The following MRPL1 variants were observed in gnomAD, a reference collection of about 807,000 sequenced individuals.
The protein encoded by MRPL1 is large ribosomal subunit protein uL1m.
A neutral mutation model predicts 38.0 loss-of-function variants in MRPL1; 28 were observed. That is an observed-to-expected ratio of 0.74 (90% CI 0.55 to 1.01). The LOEUF (loss-of-function observed/expected upper bound fraction) is 1.01, where lower values mean the gene tolerates loss of function less well. MRPL1 is among the 50% of genes least tolerant of loss of function. The pLI, the probability that MRPL1 is intolerant of heterozygous loss-of-function variation, is 0.00. For synonymous variants in MRPL1, 123 were observed against 126.7 expected (o/e 0.97, Z 0.20); for missense variants, 358 against 389.8 (o/e 0.92, Z 0.69).
At chr4:77,887,981 A>T (rs567474324) in intron 5 of MRPL1, among the ~76,000 whole-genome samples, 1 of 152,280 alleles carries the variant, frequency 6.6e-6, no homozygotes, top group Admixed American at 6.5e-5. Context: ...ACAAGGTCGC[A>T]TGGATTTCAT....
chr4:77,896,865 T>TA (rs201804566), intron 6 of MRPL1, among the ~76,000 whole-genome samples: 7 of 152,006 alleles, frequency 4.6e-5, no homozygotes, highest in Admixed American at 6.6e-5. Context: ...TTTGTTTTAT[T>TA]AAAAAAAATT....
At chr4:77,869,247 T>C (rs1735223072) in intron 1 of MRPL1, among the ~76,000 whole-genome samples, 1 of 152,154 alleles carries the variant, frequency 6.6e-6, no homozygotes, top group South Asian at 2.1e-4. Context: ...TTCTATCTCA[T>C]TGCCACGGGG....
chr4:77,910,931 T>C (rs1325911194), intron 7 of MRPL1, among the ~76,000 whole-genome samples: 1 of 152,174 alleles, frequency 6.6e-6, no homozygotes, highest in Non-Finnish European at 1.5e-5. Flanking sequence ...TCTTGTTTCT[T>C]AGGGTTGACA....
chr4:77,884,296 G>A (rs1242726549), intron 3 of MRPL1, among the ~76,000 whole-genome samples: 1 of 151,058 alleles, frequency 6.6e-6, no homozygotes, highest in African/African-American at 2.4e-5. Context: ...AAGAAATCCC[G>A]AGGAGGATGT....
intron 5 of MRPL1, among the ~76,000 whole-genome samples, chr4:77,893,607 A>G (rs1735851984): frequency 1.3e-5 from 2 of 152,124 alleles, no homozygotes; most frequent in East Asian, 1.9e-4. Flanking sequence ...TTTGATCACC[A>G]CGTCTTCTTT....
intron 6 of MRPL1, among the ~76,000 whole-genome samples, chr4:77,896,415 CCTT>C (rs1001577356): frequency 4.6e-5 from 7 of 152,138 alleles, no homozygotes; most frequent in Non-Finnish European, 1.0e-4. Context: ...TTCTCTGACA[CCTT>C]CTTTTCACCC....
At chr4:77,864,275 A>G (rs1735077012) in intron 1 of MRPL1, among the ~76,000 whole-genome samples, 2 of 152,096 alleles carry the variant, frequency 1.3e-5, no homozygotes, top group South Asian at 4.2e-4. Flanking sequence ...CTCTCTGTTA[A>G]TTGTCTTCCT....
At chr4:77,935,310 A>G (rs1226507076) in intron 7 of MRPL1, among the ~76,000 whole-genome samples, 2 of 152,242 alleles carry the variant, frequency 1.3e-5, no homozygotes, top group Non-Finnish European at 2.9e-5. Context: ...ATAAACATAT[A>G]ACAACATAAT....
At chr4:77,876,017 G>C (rs1024552220) in intron 2 of MRPL1, among the ~76,000 whole-genome samples, 1 of 152,254 alleles carries the variant, frequency 6.6e-6, no homozygotes, top group African/African-American at 2.4e-5. Context: ...CTGTTGACCA[G>C]GTTGGAGTGC....
chr4:77,939,921 T>C (rs192799752), intron 7 of MRPL1, among the ~76,000 whole-genome samples: 207 of 152,342 alleles, frequency 1.4e-3, no homozygotes, highest in African/African-American at 4.7e-3. Context: ...TTTATACCAG[T>C]ACCATGCTGT....
At chr4:77,919,818 G>A (rs1736521208) in intron 7 of MRPL1, among the ~76,000 whole-genome samples, 1 of 150,506 alleles carries the variant, frequency 6.6e-6, no homozygotes. Flanking sequence ...TCAAGAACCT[G>A]TAAAATCAGA....
At chr4:77,913,715 T>G (rs774045671) in intron 7 of MRPL1, among the ~76,000 whole-genome samples, 5 of 152,204 alleles carry the variant, frequency 3.3e-5, no homozygotes, top group Non-Finnish European at 5.9e-5. Flanking sequence ...TTATCTGTGA[T>G]AGCCCCAAAC....
chr4:77,941,239 T>C (rs999122228), intron 7 of MRPL1, among the ~76,000 whole-genome samples: 1 of 151,720 alleles, frequency 6.6e-6, no homozygotes, highest in Non-Finnish European at 1.5e-5. Context: ...CACTCCAGTC[T>C]TGGTAAAAAG....
intron 3 of MRPL1, 91 bp downstream of exon 3, chr4:77,883,591 T>C: frequency 7.7e-7 from 1 of 1,303,708 alleles, no homozygotes; most frequent in East Asian, 2.5e-5. Context: ...ATTATTATTT[T>C]TGAGACAGGG....
At chr4:77,936,619 C>T (rs888482312) in intron 7 of MRPL1, among the ~76,000 whole-genome samples, 10 of 152,100 alleles carry the variant, frequency 6.6e-5, no homozygotes, top group Admixed American at 6.6e-4. Flanking sequence ...TTCTTTTGCA[C>T]CAGAACAGCA....
At chr4:77,923,949 C>T (rs1304044024) in intron 7 of MRPL1, among the ~76,000 whole-genome samples, 3 of 151,026 alleles carry the variant, frequency 2.0e-5, no homozygotes, top group Non-Finnish European at 4.4e-5. Context: ...TGCAGTGAGC[C>T]GAGATTGCAT....
chr4:77,936,754 T>C (rs1373662199), intron 7 of MRPL1, among the ~76,000 whole-genome samples: 1 of 152,184 alleles, frequency 6.6e-6, no homozygotes, highest in Non-Finnish European at 1.5e-5. Flanking sequence ...AATATTCTAA[T>C]GAACATAAAT....
In MRPL1 at chr4:77,867,946, C is replaced by T. The variant is rs188198722; in HGVS notation, c.32-3798C>T. ...TAATTTTTTGTATTTTTAGTAGAGA[C>T]GGGGTTTCACCGTGTTAGCCAGGAT... On this transcript the variant is annotated intron_variant, in intron 1 of 8. Transcript: ENST00000315567. Among the ~76,000 whole-genome samples, 640 of 151,558 alleles carry T rather than the reference C, an allele frequency of 4.2e-3. 7 individuals are homozygous for T. The highest frequency in any genetic ancestry group is 0.015 in the African/African-American group (618 of 41,340).
At chr4:77,868,485 C>T (rs1225727688) in intron 1 of MRPL1, among the ~76,000 whole-genome samples, 1 of 152,176 alleles carries the variant, frequency 6.6e-6, no homozygotes, top group Admixed American at 6.5e-5. Context: ...TTGTGATCCA[C>T]CCTCCTCAAC....
Sources: gnomAD v4.1 joint callset for allele counts (sites outside exome capture counted in the v4.1 genomes callset) on GRCh38, gnomAD v4.1.1 for gene constraint, MANE v1.5 for transcripts, NCBI Gene and HGNC (gene_info 2026-07-23, HGNC 2026-07-21) for gene names.